SPECC1: variants seen among roughly 807,000 people sequenced by gnomAD.
The protein encoded by SPECC1 is sperm antigen with calponin homology and coiled-coil domains 1, also known as cytospin-B.
Under a neutral mutation model 104.1 loss-of-function variants are expected in SPECC1, and 62 were observed. That is an observed-to-expected ratio of 0.60 (90% CI 0.49 to 0.74). The LOEUF is 0.74. Among genes scored for constraint, SPECC1 ranks in the 30% least tolerant of loss-of-function variants. The pLI, the probability that SPECC1 is intolerant of heterozygous loss-of-function variation, is 0.00. For synonymous variants in SPECC1, 513 were observed against 501.6 expected (o/e 1.02, Z -0.30); for missense variants, 1,306 against 1,310.5 (o/e 1.00, Z 0.05).
chr17:20,205,131 C>A lies in SPECC1; in HGVS notation c.1082C>A (p.Ser361Tyr). ...KSSKCSTAGS[S>Y]PNSVSELSLA... ...TCAAAGTGTTCTACTGCTGGGAGTT[C>A]CCCAAACAGCGTAAGTGAATTGTCC... is the stretch of plus-strand genomic sequence containing the variant. Residue 361 changes from serine to tyrosine, a missense_variant, in exon 4 of 15, where the codon TCC becomes TAC. Physicochemically the swap from Ser to Tyr is moderately radical, Grantham distance 144 (BLOSUM62 -2). This residue lies in a region of SPECC1 where 1,177 missense variants were observed against 1,139.9 expected (regional missense o/e 1.03). Transcript: ENST00000395527. The A allele has an allele frequency of 1.2e-6, 2 of 1,614,108 alleles. No homozygotes were observed. Among genetic ancestry groups the A allele is most frequent in the Non-Finnish European group, 1.7e-6 (2 of 1,180,022 alleles).
At chr17:20,168,738 G>C (rs1300561445) in intron 3 of SPECC1, among the ~76,000 whole-genome samples, 1 of 152,222 alleles carries the variant, frequency 6.6e-6, no homozygotes, top group Non-Finnish European at 1.5e-5. Flanking sequence ...AACCAGCTTG[G>C]AAATGAGTAT....
At chr17:20,253,325 G>A (rs1198909266) in intron 9 of SPECC1, among the ~76,000 whole-genome samples, 180 bp from the exon 10 acceptor site, 1 of 152,044 alleles carries the variant, frequency 6.6e-6, no homozygotes, top group Non-Finnish European at 1.5e-5. Context: ...ATTGCTTTTG[G>A]GGATAGTGTC....
intron 3 of SPECC1, among the ~76,000 whole-genome samples, chr17:20,152,695 T>G (rs950225522): frequency 2.0e-5 from 3 of 152,172 alleles, no homozygotes; most frequent in Admixed American, 6.5e-5. Context: ...TTTTTTGAGA[T>G]GGAGTCTTGC....
intron 3 of SPECC1, among the ~76,000 whole-genome samples, chr17:20,119,668 A>G (rs1391286910): frequency 6.6e-6 from 1 of 152,238 alleles, no homozygotes; most frequent in Non-Finnish European, 1.5e-5. Flanking sequence ...ATTAGGACAG[A>G]CCATTAGGAG....
At chr17:20,156,360 G>GT (rs1214757395) in intron 3 of SPECC1, 3 of 1,097,442 alleles carry the variant, frequency 2.7e-6, no homozygotes, top group Middle Eastern at 6.5e-4. Flanking sequence ...GTCCTGGGGT[G>GT]TGATTCTTGT....
intron 1 of SPECC1, among the ~76,000 whole-genome samples, chr17:20,034,530 C>T (rs1036827038): frequency 1.3e-5 from 2 of 151,660 alleles, no homozygotes; most frequent in Non-Finnish European, 2.9e-5. Context: ...CACGACTGGC[C>T]TTATAGATCT....
chr17:20,166,903 T>C (rs938072015), intron 3 of SPECC1, among the ~76,000 whole-genome samples: 7 of 151,724 alleles, frequency 4.6e-5, no homozygotes, highest in African/African-American at 1.7e-4. Flanking sequence ...AGGCCAGGAG[T>C]TGGAGACTAG....
intron 4 of SPECC1, among the ~76,000 whole-genome samples, chr17:20,221,235 A>G (rs2037855024): frequency 6.6e-6 from 1 of 152,128 alleles, no homozygotes; most frequent in Non-Finnish European, 1.5e-5. Context: ...TTTGAATAGG[A>G]TTGGTATTTT....
intron 7 of SPECC1, among the ~76,000 whole-genome samples, chr17:20,241,380 T>C (rs2039194154): frequency 1.3e-5 from 2 of 152,174 alleles, no homozygotes; most frequent in African/African-American, 4.8e-5. Context: ...TGTAAATTCT[T>C]CTTGTTCCTG....
At chr17:20,045,477 G>C (rs2045503234) in intron 1 of SPECC1, among the ~76,000 whole-genome samples, 2 of 152,134 alleles carry the variant, frequency 1.3e-5, no homozygotes. Context: ...TTTATGTTTT[G>C]CCAGTTGTTC....
At chr17:20,118,541 T>C (rs2048875324) in intron 3 of SPECC1, among the ~76,000 whole-genome samples, 1 of 152,202 alleles carries the variant, frequency 6.6e-6, no homozygotes, top group Admixed American at 6.5e-5. Context: ...TATACATTAC[T>C]AAGTGGGGAA....
chr17:20,067,889 G>T (rs2046414083), intron 1 of SPECC1, among the ~76,000 whole-genome samples: 1 of 151,988 alleles, frequency 6.6e-6, no homozygotes, highest in Non-Finnish European at 1.5e-5. Context: ...TCATCCTGTG[G>T]CAGCCACTCA....
chr17:20,027,706 A>G (rs561138023), intron 1 of SPECC1, among the ~76,000 whole-genome samples: 5 of 152,278 alleles, frequency 3.3e-5, no homozygotes, highest in Middle Eastern at 3.4e-3. Context: ...TCAGTTGACT[A>G]TAAATATGTG....
At chr17:20,232,443 A>C in intron 7 of SPECC1, 38 bp downstream of exon 7, 1 of 1,565,380 alleles carries the variant, frequency 6.4e-7, no homozygotes, top group South Asian at 1.2e-5. Flanking sequence ...CTTGCTTCTC[A>C]ATCACTATGT....
At chr17:20,144,819 C>T (rs1259053897) in intron 3 of SPECC1, among the ~76,000 whole-genome samples, 1 of 152,074 alleles carries the variant, frequency 6.6e-6, no homozygotes. Context: ...AGGCAGTGGG[C>T]AGATAATAGA....
chr17:20,101,957 T>C (rs1347210271), intron 2 of SPECC1, among the ~76,000 whole-genome samples: 2 of 152,252 alleles, frequency 1.3e-5, no homozygotes, highest in Non-Finnish European at 2.9e-5. Flanking sequence ...CTTTAATCTG[T>C]GAGGCATTTG....
At chr17:20,269,471 G>C (rs541869968) in intron 12 of SPECC1, among the ~76,000 whole-genome samples, 1 of 152,202 alleles carries the variant, frequency 6.6e-6, no homozygotes, top group Non-Finnish European at 1.5e-5. Context: ...TGTTGCCCAG[G>C]CTGGAGTGCA....
At chr17:20,124,826 A>T (rs936629979) in intron 3 of SPECC1, among the ~76,000 whole-genome samples, 2 of 152,218 alleles carry the variant, frequency 1.3e-5, no homozygotes, top group Non-Finnish European at 2.9e-5. Context: ...AAAGTGTTGA[A>T]TATCTTACAT....
At chr17:20,015,809 C>T (rs1315887108) in intron 1 of SPECC1, among the ~76,000 whole-genome samples, 2 of 149,976 alleles carry the variant, frequency 1.3e-5, no homozygotes, top group South Asian at 2.1e-4. Context: ...TGATCTCGAT[C>T]TCCTGACCTC....
Sources: allele counts gnomAD v4.1 joint callset (sites outside exome capture counted in the v4.1 genomes callset), GRCh38; gene constraint gnomAD v4.1.1; regional missense constraint gnomAD v4.1.1; transcripts MANE v1.5; gene names NCBI Gene and HGNC (gene_info 2026-07-23, HGNC 2026-07-21).